Variants in XRCC5 observed in about 807,000 individuals in gnomAD.
XRCC5 encodes the protein DNA repair protein Ku80.
Under a neutral mutation model 95.7 loss-of-function variants are expected in XRCC5, and 12 were observed. The observed-to-expected ratio is 0.13, with a 90% CI of 0.08 to 0.20. The LOEUF (loss-of-function observed/expected upper bound fraction) is 0.20. Among genes scored for constraint, XRCC5 ranks in the 10% least tolerant of loss-of-function variants. The probability of loss-of-function intolerance (pLI) is 1.00; values close to 1 mark genes in which losing one functional copy is unlikely to be tolerated. For missense variants in XRCC5, 595 were observed against 873.9 expected (o/e 0.68, Z 4.02); for synonymous variants, 281 against 290.3 (o/e 0.97, Z 0.33).
chr2:216,150,929 C>T (rs1199110200), intron 14 of XRCC5, among the ~76,000 whole-genome samples: 2 of 152,048 alleles, frequency 1.3e-5, no homozygotes, highest in African/African-American at 4.8e-5. Context: ...ATGCTTTGCG[C>T]TATGATGTCA....
At chr2:216,146,114 C>T (rs16855462) in intron 13 of XRCC5, among the ~76,000 whole-genome samples, 1,791 of 152,226 alleles carry the variant, frequency 0.012, 34 homozygotes, top group African/African-American at 0.041. Flanking sequence ...GTTACTGATG[C>T]TCAAGGGAAA....
intron 18 of XRCC5, among the ~76,000 whole-genome samples, chr2:216,193,284 T>C (rs1195791554): frequency 6.6e-6 from 1 of 152,218 alleles, no homozygotes; most frequent in Non-Finnish European, 1.5e-5. Context: ...AGTGTTAGGC[T>C]TGATCTTTGC....
chr2:216,176,566 T>C lies in XRCC5; in HGVS notation c.1835-13659T>C, dbSNP rs1026376029. Among the ~76,000 whole-genome samples the C allele has an allele frequency of 2.0e-5, 3 of 152,236 alleles. 1 individual carries two copies. Among genetic ancestry groups the C allele is most frequent in the African/African-American group, 7.2e-5 (3 of 41,470 alleles). ...CCCTTATAATAATATTTTTGAGATC[T>C]GTTCTTTATTTCTGATTTGGGGATT... On this transcript the variant is annotated intron_variant, in intron 16 of 20. Coordinates refer to ENST00000392132, the MANE Select transcript of XRCC5 (RefSeq NM_021141.4).
At chr2:216,175,607 T>A in intron 16 of XRCC5, 1 of 398,756 alleles carries the variant, frequency 2.5e-6, no homozygotes, top group Non-Finnish European at 4.8e-6. Context: ...TCAGAGTAAT[T>A]TCTGAAACTG....
intron 16 of XRCC5, chr2:216,176,011 C>T (rs976285693): frequency 7.3e-5 from 15 of 206,340 alleles, no homozygotes; most frequent in African/African-American, 3.1e-4. Context: ...TAGGGGCAAC[C>T]GGGTAGTGGT....
chr2:216,159,864 C>T (rs923541213), intron 14 of XRCC5, among the ~76,000 whole-genome samples: 1 of 152,188 alleles, frequency 6.6e-6, no homozygotes, highest in African/African-American at 2.4e-5. Context: ...CCCTTAGGAG[C>T]CCGGTGGCTA....
chr2:216,172,464 C>CTTTTTTTTTTTTTTT (rs1689183461), intron 16 of XRCC5, among the ~76,000 whole-genome samples: 1 of 70,348 alleles, frequency 1.4e-5, no homozygotes, highest in African/African-American at 6.5e-5. Flanking sequence ...ATCAGCTTTT[C>CTTTTTTTTTTTTTTT]TTTTCTTTTT....
At chr2:216,145,551 C>A (rs1337467682) in intron 13 of XRCC5, among the ~76,000 whole-genome samples, 1 of 152,202 alleles carries the variant, frequency 6.6e-6, no homozygotes, top group Non-Finnish European at 1.5e-5. Flanking sequence ...TTCCCATCTA[C>A]TCAGAAATGT....
chr2:216,200,417 T>C (rs1371068314), intron 19 of XRCC5, among the ~76,000 whole-genome samples: 2 of 152,226 alleles, frequency 1.3e-5, no homozygotes, highest in Non-Finnish European at 1.5e-5. Flanking sequence ...TTTTCTGCCT[T>C]AATTCTCTGG....
At chr2:216,144,764 T>G (rs757552199) in intron 13 of XRCC5, among the ~76,000 whole-genome samples, 1 of 152,156 alleles carries the variant, frequency 6.6e-6, no homozygotes, top group Non-Finnish European at 1.5e-5. Context: ...AAACACAGAT[T>G]TGAGAGTCCT....
chr2:216,113,614 T>C (rs943112570), intron 2 of XRCC5, among the ~76,000 whole-genome samples: 7 of 152,212 alleles, frequency 4.6e-5, no homozygotes, highest in African/African-American at 1.7e-4. Context: ...TGATTCTCTA[T>C]TGAGGCCTCT....
intron 16 of XRCC5, chr2:216,175,067 A>C: frequency 3.2e-6 from 1 of 314,390 alleles, no homozygotes; most frequent in South Asian, 3.3e-5. Context: ...CCACCACCAT[A>C]GTTACCACTG....
chr2:216,139,195 G>T (rs1173788390), intron 12 of XRCC5, among the ~76,000 whole-genome samples: 1 of 152,120 alleles, frequency 6.6e-6, no homozygotes, highest in Non-Finnish European at 1.5e-5. Context: ...TCACCTGGCT[G>T]GAGTGCAGCG....
intron 14 of XRCC5, among the ~76,000 whole-genome samples, chr2:216,158,281 T>C (rs1479378757): frequency 6.6e-6 from 1 of 152,238 alleles, no homozygotes; most frequent in Non-Finnish European, 1.5e-5. Flanking sequence ...AGGAGCAGAC[T>C]GAAGCTCAGA....
At chr2:216,203,949 G>A (rs1689892873) in intron 19 of XRCC5, 1 of 191,474 alleles carries the variant, frequency 5.2e-6, no homozygotes, top group East Asian at 1.1e-4. Flanking sequence ...ACTAGTTTGG[G>A]GTGGTTGGTT....
chr2:216,116,458 C>G lies in XRCC5; in HGVS notation c.136-201C>G, dbSNP rs562309644. ...ACTTCTGCTGAAATGAAGGGTGAGACTTATGGTCAATGAAAAACATCTGTT... is the reference window on the plus strand; with the variant it reads ...ACTTCTGCTGAAATGAAGGGTGAGAGTTATGGTCAATGAAAAACATCTGTT... On this transcript the variant is annotated intron_variant, in intron 2 of 20. Transcript: ENST00000392132. Among the ~76,000 whole-genome samples, 3 of 152,254 alleles carry G rather than the reference C, an allele frequency of 2.0e-5. No homozygotes were observed. The South Asian group carries it at 6.2e-4, about 32-fold the overall frequency.
chr2:216,141,706 T>C (rs1006343038), intron 13 of XRCC5, among the ~76,000 whole-genome samples: 8 of 152,148 alleles, frequency 5.3e-5, no homozygotes, highest in Non-Finnish European at 1.2e-4. Context: ...CCTGAACAGC[T>C]GGGATTGCAG....
At position 216,111,686 on chromosome 2, in the gene XRCC5, G is replaced by A. The variant is rs554706210; in HGVS notation, c.22-1330G>A. On this transcript the variant is annotated intron_variant, in intron 1 of 20. Transcript: ENST00000392132. ...ATGTTCATTTGTAATTAATTTTCCTGGTAAGATGTTAGCCCAGAACTGCTC... is the reference window on the plus strand; with the variant it reads ...ATGTTCATTTGTAATTAATTTTCCTAGTAAGATGTTAGCCCAGAACTGCTC... 8.7e-4 allele frequency among the ~76,000 whole-genome samples: 132 copies of A among 152,220 alleles called. No individual in the cohort carries two copies. The South Asian group carries it at 0.015, about 17-fold the overall frequency.
At chr2:216,156,748 G>A (rs771928828) in intron 14 of XRCC5, 34 of 533,528 alleles carry the variant, frequency 6.4e-5, no homozygotes, top group Non-Finnish European at 1.1e-4. Flanking sequence ...GGATTTTGCC[G>A]CTGCTCCATT....
Sources: allele counts gnomAD v4.1 joint callset (sites outside exome capture counted in the v4.1 genomes callset), GRCh38; gene constraint gnomAD v4.1.1; transcripts MANE v1.5; gene names NCBI Gene and HGNC (gene_info 2026-07-23, HGNC 2026-07-21).